GRM5: variants seen among roughly 807,000 people sequenced by gnomAD.
The protein encoded by GRM5 is metabotropic glutamate receptor 5.
A neutral mutation model predicts 83.1 loss-of-function variants in GRM5; 19 were observed. The observed-to-expected ratio is 0.23, with a 90% CI of 0.16 to 0.34. The LOEUF is 0.34. GRM5 is among the 10% of genes least tolerant of loss of function. GRM5 has a pLI of 1.00. For synonymous variants in GRM5, 675 were observed against 633.6 expected (o/e 1.07, Z -0.98); for missense variants, 1,160 against 1,588.3 (o/e 0.73, Z 4.58).
intron 2 of GRM5, among the ~76,000 whole-genome samples, chr11:88,989,763 T>G (rs945540040): frequency 6.9e-6 from 1 of 145,932 alleles, no homozygotes; most frequent in African/African-American, 2.6e-5. Context: ...GAATGACTAC[T>G]GGGTACATAA....
At chr11:88,524,232 T>TCTTTCTTTCTTTCTTTCTTTC (rs1194407112) in intron 9 of GRM5, among the ~76,000 whole-genome samples, 1 of 99,174 alleles carries the variant, frequency 1.0e-5, no homozygotes, top group African/African-American at 2.9e-5. Context: ...TTTTTTTTTT[T>TCTTTCTTTCTTTCTTTCTTTC]TTTGAGACAG....
chr11:88,601,623 A>G (rs1434005423), intron 5 of GRM5, among the ~76,000 whole-genome samples: 7 of 152,128 alleles, frequency 4.6e-5, no homozygotes, highest in Admixed American at 3.3e-4. Flanking sequence ...CTTCGCACCC[A>G]TGTACTTACA....
intron 2 of GRM5, among the ~76,000 whole-genome samples, chr11:89,044,433 T>C (rs1225616013): frequency 6.6e-6 from 1 of 152,132 alleles, no homozygotes; most frequent in Non-Finnish European, 1.5e-5. Flanking sequence ...GAGATTAACA[T>C]CGAAGCTGAA....
chr11:88,843,099 C>T (rs1356238770), intron 3 of GRM5, among the ~76,000 whole-genome samples: 1 of 152,172 alleles, frequency 6.6e-6, no homozygotes, highest in African/African-American at 2.4e-5. Flanking sequence ...ACAGATATTG[C>T]ATTTTTTACA....
At chr11:88,668,589 A>T (rs964947889) in intron 3 of GRM5, among the ~76,000 whole-genome samples, 6 of 152,180 alleles carry the variant, frequency 3.9e-5, no homozygotes, top group Non-Finnish European at 7.3e-5. Context: ...ATGTATAGAA[A>T]TGCCAATACT....
intron 3 of GRM5, among the ~76,000 whole-genome samples, chr11:88,724,450 G>T (rs1941626180): frequency 6.6e-6 from 1 of 152,004 alleles, no homozygotes; most frequent in Admixed American, 6.6e-5. Context: ...TTCTTAACTT[G>T]ATATTTATCT....
chr11:88,671,956 A>G (rs969985448), intron 3 of GRM5, among the ~76,000 whole-genome samples: 7 of 152,060 alleles, frequency 4.6e-5, no homozygotes, highest in African/African-American at 1.7e-4. Flanking sequence ...ATTTTTATTT[A>G]AACAGAAAAC....
chr11:88,900,090 T>C (rs778785238), intron 2 of GRM5, among the ~76,000 whole-genome samples: 1 of 152,128 alleles, frequency 6.6e-6, no homozygotes, highest in Non-Finnish European at 1.5e-5. Flanking sequence ...TATTTATGGG[T>C]ACCCAGGTGG....
At chr11:88,771,324 A>G (rs983094838) in intron 3 of GRM5, among the ~76,000 whole-genome samples, 2 of 152,118 alleles carry the variant, frequency 1.3e-5, no homozygotes, top group African/African-American at 4.8e-5. Context: ...AGGAAAAAAG[A>G]AGGCAGGAGG....
At chr11:88,988,892 G>T (rs1265632170) in intron 2 of GRM5, among the ~76,000 whole-genome samples, 180 of 147,060 alleles carry the variant, frequency 1.2e-3, no homozygotes, top group African/African-American at 4.1e-3. Context: ...ACCGGTACCA[G>T]CCGCTGCAAA....
intron 2 of GRM5, among the ~76,000 whole-genome samples, chr11:88,882,248 G>GTAAATAAATAAA (rs141706389): frequency 0.55 from 79,634 of 143,630 alleles, 22,891 homozygotes; most frequent in South Asian, 0.75. Flanking sequence ...AAATAAGTAA[G>GTAAATAAATAAA]TAAATAAATA....
At chr11:89,059,403 A>G (rs1941942734) in intron 1 of GRM5, among the ~76,000 whole-genome samples, 1 of 152,174 alleles carries the variant, frequency 6.6e-6, no homozygotes, top group South Asian at 2.1e-4. Flanking sequence ...AGAAAAGTAG[A>G]TATTTGCACA....
intron 2 of GRM5, among the ~76,000 whole-genome samples, chr11:88,989,760 T>G (rs1939892827): frequency 6.8e-6 from 1 of 146,262 alleles, no homozygotes; most frequent in Non-Finnish European, 1.5e-5. Flanking sequence ...CCTGAATGAC[T>G]ACTGGGTACA....
intron 2 of GRM5, among the ~76,000 whole-genome samples, chr11:88,932,211 A>G (rs1417273442): frequency 1.1e-4 from 16 of 152,214 alleles, no homozygotes; most frequent in Non-Finnish European, 5.9e-5. Flanking sequence ...GAAATTTCAA[A>G]GGAACATGTA....
intron 2 of GRM5, among the ~76,000 whole-genome samples, chr11:88,986,437 A>G (rs1174130767): frequency 6.6e-6 from 1 of 152,152 alleles, no homozygotes; most frequent in Non-Finnish European, 1.5e-5. Context: ...ATTAATGTCA[A>G]TATCCTGGTG....
At chr11:88,880,501 A>G (rs1944934408) in intron 2 of GRM5, among the ~76,000 whole-genome samples, 1 of 152,204 alleles carries the variant, frequency 6.6e-6, no homozygotes, top group Non-Finnish European at 1.5e-5. Flanking sequence ...AACCTTATAA[A>G]AAGCCTTCCT....
intron 3 of GRM5, among the ~76,000 whole-genome samples, chr11:88,763,573 G>A (rs1054006145): frequency 1.8e-4 from 27 of 151,910 alleles, no homozygotes; most frequent in African/African-American, 6.0e-4. Flanking sequence ...CTCACAATGT[G>A]TAAAATTGTA....
At chr11:88,853,146 A>G (rs1283570793) in intron 2 of GRM5, among the ~76,000 whole-genome samples, 2 of 152,128 alleles carry the variant, frequency 1.3e-5, no homozygotes, top group East Asian at 3.8e-4. Flanking sequence ...ACAACTTGGA[A>G]TTATGTGGAG....
At chr11:88,652,361 G>A (rs1326153241) in intron 4 of GRM5, among the ~76,000 whole-genome samples, 1 of 151,980 alleles carries the variant, frequency 6.6e-6, no homozygotes, top group African/African-American at 2.4e-5. Flanking sequence ...AGATGATATA[G>A]ATAGATAAAG....
Sources: gnomAD v4.1 joint callset for allele counts (sites outside exome capture counted in the v4.1 genomes callset) on GRCh38, gnomAD v4.1.1 for gene constraint, MANE v1.5 for transcripts, NCBI Gene and HGNC (gene_info 2026-07-23, HGNC 2026-07-21) for gene names.